HLCS: variants seen among roughly 807,000 people sequenced by gnomAD.
The protein encoded by HLCS is holocarboxylase synthetase, also known as biotin--protein ligase.
HLCS carries 53 observed loss-of-function variants against 75.0 expected under a neutral mutation model. The ratio of observed to expected loss-of-function variants is 0.71; its 90% CI spans 0.57 to 0.89. The LOEUF is 0.89. Ranked by LOEUF, HLCS falls within the 40% of genes least tolerant of loss-of-function variation. The probability of loss-of-function intolerance (pLI) is 0.00; values close to 1 mark genes in which losing one functional copy is unlikely to be tolerated. For missense variants in HLCS, 966 were observed against 1,074.0 expected, an observed-to-expected ratio of 0.90 and a Z score of 1.41; for synonymous variants, 431 against 428.6, an observed-to-expected ratio of 1.01 and a Z score of -0.07.
At chr21:36,951,692 A>G (rs1569239156) in intron 2 of HLCS, among the ~76,000 whole-genome samples, 1 of 152,230 alleles carries the variant, frequency 6.6e-6, no homozygotes, top group African/African-American at 2.4e-5. Context: ...TAAACCTTCA[A>G]TGAATGCCTT....
At chr21:36,852,560 C>A (rs1033497684) in intron 6 of HLCS, among the ~76,000 whole-genome samples, 2 of 152,166 alleles carry the variant, frequency 1.3e-5, no homozygotes, top group African/African-American at 4.8e-5. Context: ...CTCACAATTC[C>A]TATGCCAAAT....
chr21:36,916,921 C>A (rs1261806864), intron 5 of HLCS, among the ~76,000 whole-genome samples: 1 of 152,182 alleles, frequency 6.6e-6, no homozygotes, highest in African/African-American at 2.4e-5. Flanking sequence ...AAACAACCCA[C>A]AATAGGGTCT....
intron 2 of HLCS, chr21:36,948,435 T>C (rs552427236): frequency 1.3e-5 from 2 of 151,958 alleles, no homozygotes; most frequent in South Asian, 4.2e-4. Context: ...CTTGATATTA[T>C]GTAAAAAGAC....
chr21:36,945,218 T>TG (rs1301425241), intron 2 of HLCS, among the ~76,000 whole-genome samples: 3 of 152,222 alleles, frequency 2.0e-5, no homozygotes, highest in African/African-American at 7.2e-5. Flanking sequence ...GGTTTTTTTT[T>TG]GGTTTTTTTT....
In HLCS at chr21:36,900,086, T is replaced by C. The variant is rs186140096; in HGVS notation, c.1621-2955A>G. On this transcript the variant is annotated intron_variant, in intron 5 of 10. Transcript: ENST00000674895. ...CGCCACTGCACTCCAGACTGGGTGA[T>C]AGAGTGAGACTCAGTCTCGAAAAAA... 4.0e-3 allele frequency among the ~76,000 whole-genome samples: 603 copies of C among 151,568 alleles called. 2 individuals carry two copies. The highest frequency in any genetic ancestry group is 0.013 in the Admixed American group (204 of 15,240).
chr21:36,777,270 C>G (rs923320988), intron 6 of HLCS, among the ~76,000 whole-genome samples: 1 of 152,152 alleles, frequency 6.6e-6, no homozygotes, highest in South Asian at 2.1e-4. Flanking sequence ...CTCCCCGAAC[C>G]CTTTGGCAAC....
chr21:36,888,445 AATATATATATATATATATATATAT>A lies in HLCS; in HGVS notation c.1892+8391_1892+8414del, dbSNP rs71198839. On this transcript the variant is annotated intron_variant, in intron 6 of 10. Transcript: ENST00000674895. ...CCCCTTCCCATTTAAAAAAAAAAAA[AATATATATATATATATATATATAT>A]ATATATATATATATATATATATATA... Among the ~76,000 whole-genome samples the A allele has an allele frequency of 3.9e-3, 94 of 24,108 alleles. 1 individual carries two copies. In the South Asian group the frequency reaches 0.091, roughly 23 times the overall value. 15.8% of individuals were successfully genotyped at this position (24,108 alleles called of 152,430 possible). A position where few individuals can be genotyped will look rare whatever the true frequency, so the allele number is the denominator to read the frequency against.
chr21:36,977,972 C>T (rs2068989123), intron 1 of HLCS, among the ~76,000 whole-genome samples: 1 of 152,198 alleles, frequency 6.6e-6, no homozygotes, highest in Non-Finnish European at 1.5e-5. Context: ...GAAACTATTA[C>T]ACAAAGTCGG....
Position 36,774,273 on chromosome 21 carries a change from CT to C in HLCS, c.1893-6989del, listed in dbSNP as rs1325771285. Among the ~76,000 whole-genome samples, 3 of 152,254 alleles carry C rather than the reference CT, an allele frequency of 2.0e-5. No individual in the cohort carries two copies. The East Asian group carries it at 5.8e-4, about 29-fold the overall frequency. On this transcript the variant is annotated intron_variant, in intron 6 of 10. Transcript: ENST00000674895. ...ACCCTGGGGATATTATTCCTGGCAG[CT>C]ACAGGAAGGTTCCCAAGGAACTTTA... is the stretch of plus-strand genomic sequence containing the variant.
rs2089399712 is a variant in HLCS, at chr21:36,752,336, A to G, written c.*1910T>C. The G allele has an allele frequency of 6.6e-6, 1 of 152,648 alleles. No homozygotes were observed. The highest frequency in any genetic ancestry group is 1.5e-5 in the Non-Finnish European group (1 of 68,048). 9.5% of individuals were successfully genotyped at this position (152,648 alleles called of 1,614,324 possible). On this transcript the variant is annotated 3_prime_UTR_variant, in exon 11 of 11. Transcript: ENST00000674895. ...ATGATAACATTTTTTCCCAAAGCAGAGTGTCCAGAATAGGACTTCAGCTTA... is the reference window on the plus strand; with the variant it reads ...ATGATAACATTTTTTCCCAAAGCAGGGTGTCCAGAATAGGACTTCAGCTTA...
chr21:36,957,208 T>C (rs955061379), intron 2 of HLCS, among the ~76,000 whole-genome samples: 12 of 152,134 alleles, frequency 7.9e-5, no homozygotes, highest in Non-Finnish European at 1.6e-4. Flanking sequence ...TCATGAATAG[T>C]GTGGTGCTGT....
At chr21:36,786,283 C>CTT (rs35436718) in intron 6 of HLCS, among the ~76,000 whole-genome samples, 5 of 145,084 alleles carry the variant, frequency 3.4e-5, no homozygotes, top group African/African-American at 1.0e-4. Context: ...TCTATTTAAG[C>CTT]TTTTTTTTTT....
chr21:36,795,956 G>A (rs1042652398), intron 6 of HLCS, among the ~76,000 whole-genome samples: 1 of 152,218 alleles, frequency 6.6e-6, no homozygotes, highest in Non-Finnish European at 1.5e-5. Context: ...AATTTAAAAG[G>A]TTAATTAAGG....
At chr21:36,831,893 A>T (rs1453899483) in intron 6 of HLCS, among the ~76,000 whole-genome samples, 1 of 152,172 alleles carries the variant, frequency 6.6e-6, no homozygotes, top group Non-Finnish European at 1.5e-5. Context: ...ATTTCGCTAG[A>T]AATGCTCCCT....
chr21:36,774,965 T>G (rs374752333), intron 6 of HLCS, among the ~76,000 whole-genome samples: 12 of 152,262 alleles, frequency 7.9e-5, no homozygotes, highest in African/African-American at 2.9e-4. Context: ...CTTTCCTCAA[T>G]GCACTCTGTT....
intron 2 of HLCS, chr21:36,947,295 C>G (rs941645244): frequency 3.6e-5 from 34 of 948,812 alleles, no homozygotes; most frequent in Non-Finnish European, 4.0e-5. Context: ...CCACACATCC[C>G]GGATCAAGTT....
chr21:36,946,891 A>G (rs1418674745), intron 2 of HLCS, among the ~76,000 whole-genome samples: 3 of 152,188 alleles, frequency 2.0e-5, no homozygotes, highest in African/African-American at 7.2e-5. Context: ...CAGAAATGAC[A>G]TCTTTGATTC....
intron 2 of HLCS, chr21:36,947,987 A>G: frequency 2.0e-6 from 2 of 985,420 alleles, no homozygotes; most frequent in Non-Finnish European, 2.4e-6. Context: ...GGAAACGCAG[A>G]GGTAAAGAAT....
chr21:36,758,569 G>A (rs2089696503), intron 9 of HLCS, among the ~76,000 whole-genome samples: 2 of 152,088 alleles, frequency 1.3e-5, no homozygotes, highest in Non-Finnish European at 2.9e-5. Context: ...AAGCCACTAC[G>A]CCTGGCCTTC....
Sources: gnomAD v4.1 joint callset for allele counts (sites outside exome capture counted in the v4.1 genomes callset) on GRCh38, gnomAD v4.1.1 for gene constraint, MANE v1.5 for transcripts, NCBI Gene and HGNC (gene_info 2026-07-23, HGNC 2026-07-21) for gene names.